The following CEP128 variants were observed in gnomAD, a reference collection of about 807,000 sequenced individuals.
The protein encoded by CEP128 is centrosomal protein 128.
CEP128 carries 132 observed loss-of-function variants against 156.7 expected under a neutral mutation model. That is an observed-to-expected ratio of 0.84 (90% confidence interval 0.73 to 0.97). The LOEUF (loss-of-function observed/expected upper bound fraction) is 0.97. CEP128 is among the 50% of genes least tolerant of loss of function. The pLI is 0.00. For missense variants in CEP128, 1,252 were observed against 1,281.9 expected (o/e 0.98, Z 0.36); for synonymous variants, 469 against 448.9 (o/e 1.04, Z -0.57).
At chr14:80,492,499 G>T (rs1460293170), downstream of CEP128, among the ~76,000 whole-genome samples, 2 of 152,170 alleles carry the variant, frequency 1.3e-5, no homozygotes, top group Non-Finnish European at 2.9e-5. Flanking sequence ...TGCTTCTAAA[G>T]ATCACTGAGG....
At chr14:80,609,832 A>T (rs1551069) in intron 19 of CEP128, among the ~76,000 whole-genome samples, 94,393 of 151,232 alleles carry the variant, frequency 0.62, 30,637 homozygotes, top group African/African-American at 0.82. Flanking sequence ...CTTTTTTTTT[A>T]AAATTATATA....
At position 80,756,879 on chromosome 14, in the gene CEP128, A is replaced by G. The variant is rs1165966154; in HGVS notation, c.2613+13T>C. 3.3e-6 allele frequency: 5 copies of G among 1,530,502 alleles called. No homozygotes were observed. The East Asian group carries it at 1.1e-4, about 34-fold the overall frequency. 94.8% of individuals were successfully genotyped at this position (1,530,502 alleles called of 1,614,324 possible). A position where few individuals can be genotyped will look rare whatever the true frequency, so the allele number is the denominator to read the frequency against. ...AAATATTACAATAACTTTAGGATTT[A>G]AAGATTAATTACCTTGCTTTCTGCT... On this transcript the variant is annotated intron_variant, in intron 18 of 24. Transcript: ENST00000555265.
intron 19 of CEP128, among the ~76,000 whole-genome samples, chr14:80,628,095 A>G (rs1252449925): frequency 6.6e-6 from 1 of 152,206 alleles, no homozygotes; most frequent in Non-Finnish European, 1.5e-5. Flanking sequence ...ACTTTATACT[A>G]TTACAGACCC....
At chr14:80,921,227 G>A (rs534213844) in intron 2 of CEP128, among the ~76,000 whole-genome samples, 12 of 152,284 alleles carry the variant, frequency 7.9e-5, no homozygotes, top group African/African-American at 2.9e-4. Context: ...AATCCCCAGT[G>A]AGGCAGTATT....
chr14:80,480,434 C>T (rs7152662), intron 14 of CEP128, among the ~76,000 whole-genome samples: 64,602 of 151,980 alleles, frequency 0.43, 16,252 homozygotes, highest in East Asian at 0.69. Flanking sequence ...TAGCCCAACC[C>T]ATACACTGGC....
intron 21 of CEP128, among the ~76,000 whole-genome samples, chr14:80,540,207 C>A (rs1258567837): frequency 6.9e-6 from 1 of 143,946 alleles, no homozygotes; most frequent in African/African-American, 2.6e-5. Context: ...ACCCCCCCCC[C>A]TTTTGAAACC....
At chr14:80,796,583 C>T (rs67330037) in intron 13 of CEP128, among the ~76,000 whole-genome samples, 18,278 of 152,150 alleles carry the variant, frequency 0.12, 1,571 homozygotes, top group East Asian at 0.45. Context: ...AGTTCTCTAT[C>T]TTCTTATTCT....
intron 13 of CEP128, among the ~76,000 whole-genome samples, chr14:80,808,318 G>A (rs1411938551): frequency 6.6e-6 from 1 of 152,248 alleles, no homozygotes. Flanking sequence ...CTTGTGTAAG[G>A]TCAGGATCCC....
chr14:80,647,100 T>TACAC lies in CEP128; in HGVS notation c.2807-66681_2807-66678dup, dbSNP rs1323202529. On this transcript the variant is annotated intron_variant, in intron 19 of 24. Transcript: ENST00000555265. ...ATATATATATATACACCCTTATAAA[T>TACAC]ACACATACACACACACACACACACA... is the stretch of plus-strand genomic sequence containing the variant. Among the ~76,000 whole-genome samples, 39 of 104,496 alleles carry TACAC rather than the reference T, an allele frequency of 3.7e-4. 1 individual carries two copies. Among genetic ancestry groups the TACAC allele is most frequent in the African/African-American group, 1.3e-3 (36 of 27,476 alleles). 68.6% of individuals were successfully genotyped at this position (104,496 alleles called of 152,430 possible).
At chr14:80,815,268 T>A (rs1884785186) in intron 13 of CEP128, among the ~76,000 whole-genome samples, 1 of 152,034 alleles carries the variant, frequency 6.6e-6, no homozygotes, top group Admixed American at 6.5e-5. Context: ...ACAAGAACAA[T>A]CATTTTTCAA....
intron 21 of CEP128, 24 bp from the exon 22 acceptor site, chr14:80,530,910 C>T (rs1018718219): frequency 6.7e-7 from 1 of 1,501,336 alleles, no homozygotes; most frequent in African/African-American, 1.4e-5. Flanking sequence ...CATAAGGAAA[C>T]CAAACATTAT....
chr14:80,809,647 C>T (rs1353031208), intron 13 of CEP128, among the ~76,000 whole-genome samples: 1 of 152,016 alleles, frequency 6.6e-6, no homozygotes, highest in African/African-American at 2.4e-5. Context: ...TAAATGAGCC[C>T]ACATCAGACT....
chr14:80,890,924 C>T (rs1013136778), intron 8 of CEP128, among the ~76,000 whole-genome samples: 11 of 152,176 alleles, frequency 7.2e-5, no homozygotes, highest in South Asian at 4.2e-4. Flanking sequence ...GACACACAAA[C>T]GGCAAACAGG....
At chr14:80,879,584 A>C (rs1888434272) in intron 8 of CEP128, among the ~76,000 whole-genome samples, 1 of 152,164 alleles carries the variant, frequency 6.6e-6, no homozygotes. Flanking sequence ...GCAACAGCAG[A>C]CTAGATCAAA....
At chr14:80,503,696 T>C (rs1425013406) in intron 24 of CEP128, among the ~76,000 whole-genome samples, 2 of 152,060 alleles carry the variant, frequency 1.3e-5, no homozygotes, top group Admixed American at 6.5e-5. Flanking sequence ...TTGCTAAATA[T>C]GAAAGAAAAA....
At chr14:80,542,058 T>A (rs1198461146) in intron 21 of CEP128, among the ~76,000 whole-genome samples, 1 of 152,214 alleles carries the variant, frequency 6.6e-6, no homozygotes, top group Non-Finnish European at 1.5e-5. Context: ...TCAATAAATG[T>A]TAGCTATTAC....
chr14:80,584,670 C>A (rs577747728), intron 19 of CEP128, among the ~76,000 whole-genome samples: 2 of 152,256 alleles, frequency 1.3e-5, no homozygotes, highest in East Asian at 1.9e-4. Context: ...CCACTCTATG[C>A]AAACAGACAA....
rs886543627 is a variant in CEP128 at position 80,830,407 on chromosome 14, A to T, written c.1209+736T>A. The T allele has an allele frequency of 1.4e-4, 57 of 397,046 alleles. No individual in the cohort carries two copies. In the Admixed American group the frequency reaches 2.1e-3, roughly 14 times the overall value. The allele number at this position is 397,046 out of a possible 1,614,324, so 24.6% of individuals were successfully genotyped here. A position where few individuals can be genotyped will look rare whatever the true frequency, so the allele number is the denominator to read the frequency against. ...TTTAATTTTGGAAATACTTGAAATTAGAACACAACTTCACTTACAAAAACA... is the reference window on the plus strand; with the variant it reads ...TTTAATTTTGGAAATACTTGAAATTTGAACACAACTTCACTTACAAAAACA... On this transcript the variant is annotated intron_variant, in intron 13 of 24. Coordinates refer to ENST00000555265, the MANE Select transcript of CEP128 (RefSeq NM_152446.5).
rs1446881140 is a variant in CEP128 at position 80,504,937 on chromosome 14, A to G, written c.3156T>C (p.Ser1052=). Reference sequence around the variant, plus strand: ...AGTTCACGTATGAAAATCTTGGACTAGACAGGAAGCGACTGTGATCCTGCC... The same window carrying G: ...AGTTCACGTATGAAAATCTTGGACTGGACAGGAAGCGACTGTGATCCTGCC... ...SSWQDHSRFL[S]SPRFSYVNSF... Residue 1052 remains serine, a synonymous_variant, in exon 24 of 25, where the codon TCT becomes TCC. Coordinates refer to ENST00000555265, the MANE Select transcript of CEP128 (RefSeq NM_152446.5). 4.4e-6 allele frequency: 7 copies of G among 1,599,020 alleles called. No homozygotes were observed. The highest frequency in any genetic ancestry group is 6.0e-6 in the Non-Finnish European group (7 of 1,169,422).
Sources: gnomAD v4.1 joint callset for allele counts (sites outside exome capture counted in the v4.1 genomes callset) on GRCh38, gnomAD v4.1.1 for gene constraint, MANE v1.5 for transcripts, NCBI Gene and HGNC (gene_info 2026-07-23, HGNC 2026-07-21) for gene names.